Variants in SOX5 observed in about 807,000 individuals in gnomAD.
SOX5 encodes the protein transcription factor SOX-5.
A neutral mutation model predicts 92.0 loss-of-function variants in SOX5; 9 were observed. That is an observed-to-expected ratio of 0.10 (90% confidence interval 0.06 to 0.17). The LOEUF (loss-of-function observed/expected upper bound fraction) is 0.17, where lower values mean the gene tolerates loss of function less well. Ranked by LOEUF, SOX5 falls within the 10% of genes least tolerant of loss-of-function variation. The pLI, the probability that SOX5 is intolerant of heterozygous loss-of-function variation, is 1.00. For missense variants in SOX5, 642 were observed against 944.5 expected, an observed-to-expected ratio of 0.68 and a Z score of 4.20; for synonymous variants, 344 against 336.3, an observed-to-expected ratio of 1.02 and a Z score of -0.25.
intron 5 of SOX5, 139 bp downstream of exon 5, chr12:23,740,728 C>T (rs1184565406): frequency 1.9e-5 from 14 of 730,768 alleles, no homozygotes; most frequent in African/African-American, 3.6e-5. Flanking sequence ...TTTTGTTTTG[C>T]TTTTTTGGCC....
At chr12:24,300,138 C>T (rs879638186) in intron 2 of SOX5, among the ~76,000 whole-genome samples, 1 of 152,150 alleles carries the variant, frequency 6.6e-6, no homozygotes, top group Non-Finnish European at 1.5e-5. Context: ...TATTCAAAAG[C>T]CACAATGCTA....
At chr12:23,819,797 A>G (rs1414995988) in intron 3 of SOX5, among the ~76,000 whole-genome samples, 1 of 152,184 alleles carries the variant, frequency 6.6e-6, no homozygotes, top group Non-Finnish European at 1.5e-5. Flanking sequence ...TTCATGGTGT[A>G]TATGTGCCAC....
chr12:23,531,317 T>A lies in SOX5; in HGVS notation c.*2902A>T, dbSNP rs1939038321. Reference sequence around the variant, plus strand: ...GAATTTCAGCAGTTAAAAGTCACCATTAACAATTTTGTTTTCCCCTTCAAA... The same window carrying A: ...GAATTTCAGCAGTTAAAAGTCACCAATAACAATTTTGTTTTCCCCTTCAAA... On this transcript the variant is annotated 3_prime_UTR_variant, in exon 15 of 15. Coordinates refer to ENST00000451604, the MANE Select transcript of SOX5 (RefSeq NM_006940.6). The A allele has an allele frequency of 6.6e-6, 1 of 152,170 alleles. No individual in the cohort carries two copies. Among genetic ancestry groups the A allele is most frequent in the Non-Finnish European group, 1.5e-5 (1 of 68,034 alleles). The allele number at this position is 152,170 out of a possible 1,614,324, so 9.4% of individuals were successfully genotyped here.
chr12:24,414,563 C>G (rs563547802), intron 1 of SOX5, among the ~76,000 whole-genome samples: 1 of 152,166 alleles, frequency 6.6e-6, no homozygotes, highest in Non-Finnish European at 1.5e-5. Context: ...GATAAAGCAT[C>G]GTTAAGCATC....
In SOX5 at chr12:24,099,759, A is replaced by AAATGCATT. The variant is rs1308117026; in HGVS notation, c.-2+113576_-2+113583dup. Among the ~76,000 whole-genome samples the AAATGCATT allele has an allele frequency of 4.6e-5, 7 of 152,250 alleles. No homozygotes were observed. In the East Asian group the frequency reaches 1.4e-3, roughly 29 times the overall value. On this transcript the variant is annotated intron_variant, in intron 4 of 4. Coordinates refer to the SOX5 transcript ENST00000446891. ...ATGTATTAAGTTTACTCACGGATGTAAATGCATTAGTTATGTCATAAAGTA... is the reference window on the plus strand; with the variant it reads ...ATGTATTAAGTTTACTCACGGATGTAAATGCATTAATGCATTAGTTATGTCATAAAGTA...
At chr12:23,953,916 C>T (rs1945967691), upstream of SOX5, among the ~76,000 whole-genome samples, 2 of 151,850 alleles carry the variant, frequency 1.3e-5, no homozygotes, top group Admixed American at 1.3e-4. Flanking sequence ...CATGTTGTTT[C>T]CATTGCAGAT....
intron 4 of SOX5, among the ~76,000 whole-genome samples, chr12:24,059,521 G>A (rs913198910): frequency 1.3e-5 from 2 of 152,034 alleles, no homozygotes; most frequent in Non-Finnish European, 2.9e-5. Flanking sequence ...CTGAAAATGA[G>A]GTAGATGAGG....
intron 1 of SOX5, among the ~76,000 whole-genome samples, chr12:23,946,748 A>G (rs762535284): frequency 3.9e-5 from 6 of 151,952 alleles, no homozygotes; most frequent in African/African-American, 7.2e-5. Flanking sequence ...TTCCTTACAA[A>G]TAATTTTTTA....
intron 5 of SOX5, 61 bp from the exon 6 acceptor site, chr12:23,734,813 T>C (rs1483519143): frequency 1.5e-6 from 2 of 1,338,250 alleles, no homozygotes; most frequent in African/African-American, 1.4e-5. Context: ...GGGAAGTTAC[T>C]AATGTTCTGT....
chr12:24,171,138 ATTTTTTTT>A (rs71059984), intron 4 of SOX5, among the ~76,000 whole-genome samples: 1 of 85,176 alleles, frequency 1.2e-5, no homozygotes, highest in Non-Finnish European at 2.2e-5. Flanking sequence ...CCCAAGATCT[ATTTTTTTT>A]TTTTTTTTTT....
chr12:23,835,412 C>G (rs991926746), intron 3 of SOX5, among the ~76,000 whole-genome samples: 1 of 151,806 alleles, frequency 6.6e-6, no homozygotes, highest in African/African-American at 2.4e-5. Context: ...CTCTCTCTTT[C>G]TACAGTGAGA....
At chr12:24,416,750 A>G (rs1965089048) in intron 1 of SOX5, among the ~76,000 whole-genome samples, 1 of 152,218 alleles carries the variant, frequency 6.6e-6, no homozygotes, top group African/African-American at 2.4e-5. Context: ...ACAATATTAC[A>G]ATGTAGCAAA....
At chr12:23,538,178 T>G (rs1941034849) in intron 13 of SOX5, among the ~76,000 whole-genome samples, 1 of 152,182 alleles carries the variant, frequency 6.6e-6, no homozygotes, top group South Asian at 2.1e-4. Flanking sequence ...AATAGCTCAC[T>G]GTTGAATAGT....
intron 8 of SOX5, among the ~76,000 whole-genome samples, chr12:23,634,916 T>TA: frequency 6.6e-6 from 1 of 152,336 alleles, no homozygotes; most frequent in East Asian, 1.9e-4. Flanking sequence ...AATACATTGT[T>TA]AAGATTCATT....
intron 4 of SOX5, among the ~76,000 whole-genome samples, chr12:24,091,450 G>A (rs1399945444): frequency 1.7e-4 from 13 of 77,968 alleles, no homozygotes; most frequent in African/African-American, 5.5e-4. Flanking sequence ...TTTTTTTTGA[G>A]ATGGAGTTTT....
At position 24,043,148 on chromosome 12, in the gene SOX5, T is replaced by C. The variant is rs564383183; in HGVS notation, c.-1-147124A>G. ...TTGTCTCCATAGACTTTCTGGTTCA[T>C]AAATTTCCTGTAGAAAGGAAGTAAT... On this transcript the variant is annotated intron_variant, in intron 4 of 4. Transcript: ENST00000446891. Among the ~76,000 whole-genome samples, 213 of 152,346 alleles carry C rather than the reference T, an allele frequency of 1.4e-3. 2 individuals are homozygous for C. Among genetic ancestry groups the C allele is most frequent in the Admixed American group, 2.4e-3 (37 of 15,312 alleles).
At chr12:23,650,534 T>C (rs944431083) in intron 7 of SOX5, among the ~76,000 whole-genome samples, 1 of 152,086 alleles carries the variant, frequency 6.6e-6, no homozygotes, top group Non-Finnish European at 1.5e-5. Flanking sequence ...AGATGGAACT[T>C]TGGAAGAAAA....
intron 1 of SOX5, among the ~76,000 whole-genome samples, chr12:24,494,875 A>T (rs1947457817): frequency 6.6e-6 from 1 of 152,184 alleles, no homozygotes; most frequent in African/African-American, 2.4e-5. Context: ...TTGCTCATAG[A>T]ATTCAACAAA....
chr12:23,715,189 C>T (rs539098638), intron 6 of SOX5, among the ~76,000 whole-genome samples: 52 of 151,980 alleles, frequency 3.4e-4, no homozygotes, highest in African/African-American at 1.1e-3. Context: ...GTCCCAGCTA[C>T]TAGGGAGGCT....
Sources: gnomAD v4.1 joint callset for allele counts (sites outside exome capture counted in the v4.1 genomes callset) on GRCh38, gnomAD v4.1.1 for gene constraint, MANE v1.5 for transcripts, NCBI Gene and HGNC (gene_info 2026-07-23, HGNC 2026-07-21) for gene names.